ATP8B1: variants seen among roughly 807,000 people sequenced by gnomAD.
The protein encoded by ATP8B1 is phospholipid-transporting ATPase IC.
ATP8B1 carries 80 observed loss-of-function variants against 149.9 expected under a neutral mutation model. That is an observed-to-expected ratio of 0.53 (90% CI 0.45 to 0.64). The LOEUF (loss-of-function observed/expected upper bound fraction) is 0.64, where lower values mean the gene tolerates loss of function less well. Among genes scored for constraint, ATP8B1 ranks in the 30% least tolerant of loss-of-function variants. The pLI is 0.00. For missense variants in ATP8B1, 1,247 were observed against 1,552.6 expected (o/e 0.80, Z 3.31); for synonymous variants, 536 against 562.8 (o/e 0.95, Z 0.67).
At chr18:57,731,866 A>C in intron 1 of ATP8B1, 34 bp from the exon 2 acceptor site, 2 of 1,605,016 alleles carry the variant, frequency 1.2e-6, no homozygotes, top group Non-Finnish European at 1.7e-6. Context: ...GTGAATTATG[A>C]CTCTTGCCCA....
At chr18:57,708,128 A>G (rs1350693351) in intron 2 of ATP8B1, among the ~76,000 whole-genome samples, 2 of 144,738 alleles carry the variant, frequency 1.4e-5, no homozygotes, top group African/African-American at 5.1e-5. Context: ...ACTGCACTCC[A>G]GCCTGGGCGA....
intron 2 of ATP8B1, among the ~76,000 whole-genome samples, chr18:57,717,136 A>G (rs1048999874): frequency 6.6e-6 from 1 of 152,230 alleles, no homozygotes; most frequent in African/African-American, 2.4e-5. Context: ...GATAATGGAA[A>G]CATGATAAAC....
chr18:57,672,905 T>C lies in ATP8B1; in HGVS notation c.1820-1325A>G, dbSNP rs1334330715. Among the ~76,000 whole-genome samples the C allele has an allele frequency of 2.1e-4, 14 of 65,696 alleles. 1 individual carries two copies. In the East Asian group the frequency reaches 2.3e-3, roughly 11 times the overall value. The allele number at this position is 65,696 out of a possible 152,430, so 43.1% of individuals were successfully genotyped here. ...AAAAAAGTATATATATATATATATA[T>C]ATATATATATATATATATATATATA... On this transcript the variant is annotated intron_variant, in intron 16 of 27. Coordinates refer to ENST00000648908, the MANE Select transcript of ATP8B1 (RefSeq NM_001374385.1).
At position 57,671,478 on chromosome 18, in the gene ATP8B1, T is replaced by A; in HGVS notation, c.1922A>T (p.Asp641Val). 11 of 1,610,588 alleles carry A rather than the reference T, an allele frequency of 6.8e-6. No homozygotes were observed. The highest frequency in any genetic ancestry group is 9.3e-6 in the Non-Finnish European group (11 of 1,176,770). The change falls in exon 17 of 28, where the codon GAT becomes GTT. Residue 641 changes from aspartate (D) to valine (V), a missense_variant. Around this residue, in one of 3 missense-constraint regions of ATP8B1, gnomAD observed 853 missense variants for 1,035.7 expected, o/e 0.82. Coordinates refer to ENST00000648908, the MANE Select transcript of ATP8B1 (RefSeq NM_001374385.1). ...AAAAGTGAAACTTACATCCAGGGCATCCTGTGTTTCTTGCTTAGTAGGATT... is the reference window on the plus strand; with the variant it reads ...AAAAGTGAAACTTACATCCAGGGCAACCTGTGTTTCTTGCTTAGTAGGATT... ...RMNPTKQETQ[D>V]ALDIFANETL...
At chr18:57,696,845 G>A (rs1304398064) in intron 8 of ATP8B1, among the ~76,000 whole-genome samples, 8 of 152,144 alleles carry the variant, frequency 5.3e-5, no homozygotes, top group Non-Finnish European at 1.0e-4. Context: ...GTAAAGTGCC[G>A]GCAACCTCGT....
At chr18:57,671,960 T>A (rs996612897) in intron 16 of ATP8B1, among the ~76,000 whole-genome samples, 3 of 152,206 alleles carry the variant, frequency 2.0e-5, no homozygotes, top group Non-Finnish European at 4.4e-5. Context: ...TTTATAAAGT[T>A]AATTTGAAAT....
chr18:57,707,675 ATTTTTGTAT>A (rs1455517030), intron 2 of ATP8B1, among the ~76,000 whole-genome samples: 1 of 151,426 alleles, frequency 6.6e-6, no homozygotes, highest in Admixed American at 6.6e-5. Context: ...CACCCGGCTA[ATTTTTGTAT>A]TTTTAGTAGA....
At chr18:57,711,859 G>A (rs1353396512) in intron 2 of ATP8B1, among the ~76,000 whole-genome samples, 2 of 152,064 alleles carry the variant, frequency 1.3e-5, no homozygotes, top group Non-Finnish European at 2.9e-5. Context: ...CAGAGTGCCG[G>A]GATTACAGGT....
At chr18:57,799,573 G>A (rs1458298209) in intron 1 of ATP8B1, among the ~76,000 whole-genome samples, 1 of 152,006 alleles carries the variant, frequency 6.6e-6, no homozygotes, top group Non-Finnish European at 1.5e-5. Context: ...GCTGAGCATG[G>A]TGGCACACGC....
chr18:57,727,060 A>C (rs1410139131), intron 2 of ATP8B1, among the ~76,000 whole-genome samples: 1 of 152,240 alleles, frequency 6.6e-6, no homozygotes, highest in African/African-American at 2.4e-5. Context: ...AGCCTGGGCA[A>C]CAAGAGCGAG....
At chr18:57,666,557 CAG>C (rs1910871319) in intron 20 of ATP8B1, among the ~76,000 whole-genome samples, 4 of 143,110 alleles carry the variant, frequency 2.8e-5, no homozygotes, top group Admixed American at 2.2e-4. Flanking sequence ...TTTAATGAGA[CAG>C]AGTTTCACTC....
chr18:57,695,088 G>C, intron 10 of ATP8B1, 83 bp downstream of exon 10: 1 of 640,150 alleles, frequency 1.6e-6, no homozygotes, highest in Non-Finnish European at 2.7e-6. Flanking sequence ...TTTTGGTTTT[G>C]ATGGACAAAG....
intron 13 of ATP8B1, among the ~76,000 whole-genome samples, chr18:57,686,218 C>A (rs1438124831): frequency 6.6e-6 from 1 of 152,054 alleles, no homozygotes; most frequent in African/African-American, 2.4e-5. Flanking sequence ...GAGCTGAGAT[C>A]GCACCACTGC....
rs75869311 is a variant in ATP8B1, at chr18:57,758,068, G to A, written c.-25-26236C>T. Among the ~76,000 whole-genome samples the A allele has an allele frequency of 1.1e-3, 174 of 152,100 alleles. 2 individuals carry two copies. In the East Asian group the frequency reaches 0.029, roughly 25 times the overall value. On this transcript the variant is annotated intron_variant, in intron 1 of 27. Coordinates refer to ENST00000648908, the MANE Select transcript of ATP8B1 (RefSeq NM_001374385.1). Reference sequence around the variant, plus strand: ...CGTGTAGCTCAGACTGGTCTTAGGCGGGAGGATCATTTGGTCCTCAGCTCA... The same window carrying A: ...CGTGTAGCTCAGACTGGTCTTAGGCAGGAGGATCATTTGGTCCTCAGCTCA...
intron 17 of ATP8B1, among the ~76,000 whole-genome samples, chr18:57,670,442 C>G (rs1160492872): frequency 6.6e-6 from 1 of 150,402 alleles, no homozygotes; most frequent in Non-Finnish European, 1.5e-5. Context: ...ACCTCTGCCT[C>G]CCTGGTTCAC....
intron 1 of ATP8B1, among the ~76,000 whole-genome samples, chr18:57,777,161 A>G (rs950777300): frequency 5.9e-5 from 9 of 152,034 alleles, no homozygotes; most frequent in African/African-American, 2.2e-4. Context: ...CATTTTTTGT[A>G]GAGATGGGAT....
intron 1 of ATP8B1, among the ~76,000 whole-genome samples, chr18:57,779,008 G>T (rs2080335106): frequency 1.3e-5 from 2 of 152,098 alleles, no homozygotes; most frequent in South Asian, 4.1e-4. Context: ...GCTTAAGAAG[G>T]CTTTTATGGA....
intron 11 of ATP8B1, among the ~76,000 whole-genome samples, chr18:57,693,754 A>T (rs774181043): frequency 2.0e-5 from 3 of 151,564 alleles, no homozygotes; most frequent in African/African-American, 4.9e-5. Flanking sequence ...CATGATGCCT[A>T]ACTGTGCAAA....
chr18:57,739,602 G>A (rs1429214876), intron 1 of ATP8B1, among the ~76,000 whole-genome samples: 1 of 152,150 alleles, frequency 6.6e-6, no homozygotes, highest in Non-Finnish European at 1.5e-5. Flanking sequence ...GGCTCAGAGA[G>A]TTGTCTTACA....
Sources: gnomAD v4.1 joint callset for allele counts (sites outside exome capture counted in the v4.1 genomes callset) on GRCh38, gnomAD v4.1.1 for gene constraint, gnomAD v4.1.1 regional missense constraint, MANE v1.5 for transcripts, NCBI Gene and HGNC (gene_info 2026-07-23, HGNC 2026-07-21) for gene names.